RAB38: variants seen among roughly 807,000 people sequenced by gnomAD.
RAB38 encodes ras-related protein Rab-38.
In RAB38, 15 loss-of-function variants were observed where a neutral mutation model predicts 18.4. That is an observed-to-expected ratio of 0.82 (90% confidence interval 0.55 to 1.26). The LOEUF (loss-of-function observed/expected upper bound fraction) is 1.26. RAB38 is among the 50% of genes most tolerant of loss of function. The pLI, the probability that RAB38 is intolerant of heterozygous loss-of-function variation, is 0.00. For missense variants in RAB38, 294 were observed against 267.4 expected (o/e 1.10, Z -0.69); for synonymous variants, 101 against 104.4 (o/e 0.97, Z 0.20).
chr11:88,068,112 T>G, the RAB38 span, among the ~76,000 whole-genome samples: 1 of 151,704 alleles, frequency 6.6e-6, no homozygotes, highest in African/African-American at 2.4e-5. Flanking sequence ...CCTACTGAAA[T>G]CTCAGTATTT....
chr11:88,162,085 T>C (rs1943194217), intron 1 of RAB38, among the ~76,000 whole-genome samples: 1 of 152,138 alleles, frequency 6.6e-6, no homozygotes. Context: ...GTGCTGGTTT[T>C]GAAAGCTCAG....
chr11:88,053,296 T>TACACACATATATATGGAATATATATATAC, the RAB38 span, among the ~76,000 whole-genome samples: 9 of 59,432 alleles, frequency 1.5e-4, no homozygotes, highest in Non-Finnish European at 2.5e-4. Flanking sequence ...AATATATATA[T>TACACACATATATATGGAATATATATATAC]ACACACATAT....
At chr11:87,976,555 C>T in the RAB38 span, among the ~76,000 whole-genome samples, 1 of 119,818 alleles carries the variant, frequency 8.3e-6, no homozygotes, top group Non-Finnish European at 1.6e-5. Flanking sequence ...TTTATATATA[C>T]TTATATAACT....
the RAB38 span, among the ~76,000 whole-genome samples, chr11:88,013,619 T>C: frequency 2.2e-4 from 33 of 151,994 alleles, no homozygotes; most frequent in African/African-American, 7.5e-4. Context: ...CCAGAACACT[T>C]AGGATGACAA....
the RAB38 span, among the ~76,000 whole-genome samples, chr11:87,838,505 C>G: frequency 6.6e-6 from 1 of 152,198 alleles, no homozygotes; most frequent in African/African-American, 2.4e-5. Flanking sequence ...TTCAGTCTTT[C>G]TCCAGTTGGT....
At chr11:88,166,638 T>C (rs903495945) in intron 1 of RAB38, 7 of 152,132 alleles carry the variant, frequency 4.6e-5, no homozygotes, top group Admixed American at 1.3e-4. Flanking sequence ...AAAAAAGATA[T>C]AGTTTTGCCA....
At chr11:88,026,586 A>C in the RAB38 span, among the ~76,000 whole-genome samples, 2 of 146,170 alleles carry the variant, frequency 1.4e-5, no homozygotes, top group African/African-American at 5.0e-5. Flanking sequence ...AAAAAAAAAA[A>C]AGGAAAAGAA....
the RAB38 span, among the ~76,000 whole-genome samples, chr11:88,051,929 G>A: frequency 6.6e-6 from 1 of 152,188 alleles, no homozygotes; most frequent in Admixed American, 6.5e-5. Flanking sequence ...TTTGAGACCA[G>A]CCTGACCCAC....
At chr11:88,035,412 C>T in the RAB38 span, among the ~76,000 whole-genome samples, 2 of 152,038 alleles carry the variant, frequency 1.3e-5, no homozygotes, top group Non-Finnish European at 2.9e-5. Context: ...TCAGAGTTCT[C>T]TAGAGGGACA....
chr11:88,020,227 A>G, the RAB38 span, among the ~76,000 whole-genome samples: 1 of 152,212 alleles, frequency 6.6e-6, no homozygotes, highest in Non-Finnish European at 1.5e-5. Context: ...CACTTCACCA[A>G]TAGAGACACA....
the RAB38 span, among the ~76,000 whole-genome samples, chr11:88,092,852 T>C: frequency 6.6e-6 from 1 of 151,748 alleles, no homozygotes; most frequent in Non-Finnish European, 1.5e-5. Flanking sequence ...TAAAAATGAA[T>C]AAAGTTTGGG....
chr11:88,142,911 G>T (rs1942934592), intron 2 of RAB38, among the ~76,000 whole-genome samples: 1 of 152,194 alleles, frequency 6.6e-6, no homozygotes, highest in Non-Finnish European at 1.5e-5. Flanking sequence ...TTTCTTGGAA[G>T]ACGTATTTAC....
the RAB38 span, among the ~76,000 whole-genome samples, chr11:87,941,212 G>GATATATATATATATATATATATATAT: frequency 3.0e-3 from 112 of 37,732 alleles, 13 homozygotes; most frequent in South Asian, 7.9e-3. Flanking sequence ...ATAAATATAT[G>GATATATATATATATATATATATATAT]AGATATATAT....
the RAB38 span, among the ~76,000 whole-genome samples, chr11:87,834,840 A>G: frequency 1.3e-5 from 2 of 152,226 alleles, no homozygotes; most frequent in East Asian, 3.8e-4. Context: ...CACAAATGGC[A>G]TAATACTAGA....
the RAB38 span, among the ~76,000 whole-genome samples, chr11:88,029,296 C>G: frequency 3.9e-5 from 6 of 151,954 alleles, no homozygotes; most frequent in South Asian, 4.2e-4. Context: ...TAAAGACCAT[C>G]GAGACTAGGA....
the RAB38 span, among the ~76,000 whole-genome samples, chr11:87,917,624 T>C: frequency 1.3e-5 from 2 of 151,728 alleles, no homozygotes; most frequent in African/African-American, 2.4e-5. Flanking sequence ...TTCCCTATTG[T>C]TATCGGCACC....
chr11:87,961,033 C>T, the RAB38 span, among the ~76,000 whole-genome samples: 3 of 152,172 alleles, frequency 2.0e-5, no homozygotes, highest in African/African-American at 2.4e-5. Context: ...TTAAACCTAG[C>T]ATTTTTAATT....
chr11:88,033,508 G>A, the RAB38 span, among the ~76,000 whole-genome samples: 1 of 151,966 alleles, frequency 6.6e-6, no homozygotes, highest in African/African-American at 2.4e-5. Context: ...CATTGGCTTT[G>A]ATTTGCACTT....
At chr11:88,164,256 C>CGGCGGGGGGGGGGGGGGGGGG (rs1318397492) in intron 1 of RAB38, among the ~76,000 whole-genome samples, 3 of 109,130 alleles carry the variant, frequency 2.7e-5, no homozygotes, top group South Asian at 2.7e-4. Flanking sequence ...AAGGTGCTCT[C>CGGCGGGGGGGGGGGGGGGGGG]GGTGGGGGGG....
Sources: gnomAD v4.1 joint callset for allele counts (sites outside exome capture counted in the v4.1 genomes callset) on GRCh38, gnomAD v4.1.1 for gene constraint, MANE v1.5 for transcripts, NCBI Gene and HGNC (gene_info 2026-07-23, HGNC 2026-07-21) for gene names.